The following MOK variants were observed in gnomAD, a reference collection of about 807,000 sequenced individuals.
The protein encoded by MOK is MAPK/MAK/MRK overlapping kinase.
A neutral mutation model predicts 54.2 loss-of-function variants in MOK; 59 were observed. The observed-to-expected ratio is 1.09, with a 90% CI of 0.88 to 1.35. The LOEUF is 1.35. Ranked by LOEUF, MOK falls within the 40% of genes most tolerant of loss-of-function variation. The probability of loss-of-function intolerance (pLI) is 0.00; values close to 1 mark genes in which losing one functional copy is unlikely to be tolerated. For synonymous variants in MOK, 210 were observed against 202.7 expected (o/e 1.04, Z -0.31); for missense variants, 517 against 526.2 (o/e 0.98, Z 0.17).
chr14:102,285,676 G>C (rs1038966057), intron 1 of MOK, among the ~76,000 whole-genome samples: 1 of 152,070 alleles, frequency 6.6e-6, no homozygotes, highest in Non-Finnish European at 1.5e-5. Flanking sequence ...TGGATCACTT[G>C]AGGCCAGGAG....
chr14:102,237,532 CA>C (rs2065332289), intron 7 of MOK, among the ~76,000 whole-genome samples: 1 of 152,178 alleles, frequency 6.6e-6, no homozygotes, highest in South Asian at 2.1e-4. Flanking sequence ...CCTCCTAGCT[CA>C]CCCACTCTAT....
At chr14:102,299,434 G>C (rs1219066244) in intron 1 of MOK, among the ~76,000 whole-genome samples, 1 of 151,700 alleles carries the variant, frequency 6.6e-6, no homozygotes, top group African/African-American at 2.4e-5. Flanking sequence ...AGAATTGCTT[G>C]AACCCTGGAG....
intron 1 of MOK, among the ~76,000 whole-genome samples, chr14:102,292,198 G>A (rs1251652016): frequency 1.3e-5 from 2 of 152,090 alleles, no homozygotes; most frequent in African/African-American, 2.4e-5. Context: ...CATAGGCCGG[G>A]TGCGGTGGCT....
chr14:102,229,893 A>G, intron 10 of MOK: 1 of 539,868 alleles, frequency 1.9e-6, no homozygotes, highest in Non-Finnish European at 3.3e-6. Context: ...CTGCAAGCTG[A>G]GCAGTGCGGG....
chr14:102,227,329 GC>G (rs1053213857), downstream of MOK, among the ~76,000 whole-genome samples: 5 of 140,064 alleles, frequency 3.6e-5, no homozygotes, highest in Admixed American at 1.4e-4. Context: ...CCTGCGCGCC[GC>G]CCCCCCTACA....
chr14:102,303,152 C>T (rs1159628643), intron 1 of MOK, among the ~76,000 whole-genome samples: 1 of 151,076 alleles, frequency 6.6e-6, no homozygotes, highest in Non-Finnish European at 1.5e-5. Flanking sequence ...CACAGAGAGA[C>T]CCTGTCCAAA....
At chr14:102,297,372 C>T (rs913113181) in intron 1 of MOK, among the ~76,000 whole-genome samples, 2 of 148,396 alleles carry the variant, frequency 1.3e-5, no homozygotes, top group Non-Finnish European at 3.0e-5. Context: ...ATAATAATAA[C>T]AATAACAAAT....
Position 102,232,113 on chromosome 14 carries a change from G to T in MOK, c.867-292C>A. 1 of 383,934 alleles carries T rather than the reference G, an allele frequency of 2.6e-6. No individual in the cohort carries two copies. The highest frequency in any genetic ancestry group is 4.7e-6 in the Non-Finnish European group (1 of 214,260). The allele number at this position is 383,934 out of a possible 1,614,324, so 23.8% of individuals were successfully genotyped here. ...GGCAAACAGGAGTGTCCAGAGGTCCGGAATTAGGTGACCTCAGGGCAGACA... is the reference window on the plus strand; with the variant it reads ...GGCAAACAGGAGTGTCCAGAGGTCCTGAATTAGGTGACCTCAGGGCAGACA... On this transcript the variant is annotated intron_variant, in intron 9 of 11. Coordinates refer to ENST00000361847, the MANE Select transcript of MOK (RefSeq NM_014226.3). This position sits in a 1 kb window ranked among gnomAD's most constrained non-coding sequence, Gnocchi z 5.1.
chr14:102,304,596 AAG>A (rs1431158218), intron 1 of MOK, among the ~76,000 whole-genome samples: 2 of 152,216 alleles, frequency 1.3e-5, no homozygotes, highest in African/African-American at 4.8e-5. Flanking sequence ...TGTTCAGGAA[AAG>A]AGTGTCAGGT....
chr14:102,294,932 C>T (rs186347847), intron 1 of MOK, among the ~76,000 whole-genome samples: 3 of 152,260 alleles, frequency 2.0e-5, no homozygotes, highest in African/African-American at 7.2e-5. Context: ...ACTTGTTTCC[C>T]TCATGGCTCT....
At chr14:102,251,851 A>G (rs750517381) in intron 5 of MOK, 47 bp from the exon 6 acceptor site, 1 of 1,531,366 alleles carries the variant, frequency 6.5e-7, no homozygotes, top group Non-Finnish European at 9.0e-7. Context: ...CATTTATTCA[A>G]ATTCTTGAAT....
At chr14:102,297,214 A>G (rs2071526573) in intron 1 of MOK, among the ~76,000 whole-genome samples, 1 of 151,374 alleles carries the variant, frequency 6.6e-6, no homozygotes, top group Non-Finnish European at 1.5e-5. Flanking sequence ...AAAAATTAGC[A>G]GGGTGTGGTG....
At chr14:102,250,088 G>A (rs1468562565) in intron 7 of MOK, among the ~76,000 whole-genome samples, 1 of 152,192 alleles carries the variant, frequency 6.6e-6, no homozygotes, top group Non-Finnish European at 1.5e-5. Flanking sequence ...AAAATGAAAA[G>A]TTACCAGTAT....
At chr14:102,274,536 C>T (rs1011051534) in intron 2 of MOK, among the ~76,000 whole-genome samples, 5 of 150,568 alleles carry the variant, frequency 3.3e-5, no homozygotes, top group Admixed American at 6.6e-5. Context: ...GGATTACAGG[C>T]GTGAGAAACT....
chr14:102,266,207 GATTA>G (rs1212133771), intron 2 of MOK, among the ~76,000 whole-genome samples: 24 of 151,874 alleles, frequency 1.6e-4, no homozygotes, highest in Non-Finnish European at 2.2e-4. Flanking sequence ...TAAAACTTAT[GATTA>G]ATTAATAAGA....
chr14:102,290,161 T>TAAA (rs2070603511), intron 1 of MOK, among the ~76,000 whole-genome samples: 1 of 145,474 alleles, frequency 6.9e-6, no homozygotes. Flanking sequence ...AAAAAAAGAC[T>TAAA]AGGTATGGTG....
chr14:102,226,883 A>G (rs118086798), downstream of MOK, among the ~76,000 whole-genome samples: 2,626 of 152,204 alleles, frequency 0.017, 33 homozygotes, highest in Middle Eastern at 0.044. This position sits in a 1 kb window ranked among gnomAD's most constrained non-coding sequence, Gnocchi z 4.8. Context: ...GCTCACCTCC[A>G]GCCTGGAGGC....
At chr14:102,289,519 A>G (rs1485860190) in intron 1 of MOK, among the ~76,000 whole-genome samples, 1 of 151,734 alleles carries the variant, frequency 6.6e-6, no homozygotes, top group Non-Finnish European at 1.5e-5. Flanking sequence ...ATTTTATTTT[A>G]TTTTGAGACA....
At chr14:102,226,056 T>G (rs1356047873), downstream of MOK, 2 of 502,218 alleles carry the variant, frequency 4.0e-6, no homozygotes, top group Admixed American at 3.8e-5. The surrounding 1 kb of genome is among the most constrained non-coding windows in gnomAD (Gnocchi z 4.8). Context: ...GCACCGCAGG[T>G]GTGGGGACAG....
Sources: gnomAD v4.1 joint callset for allele counts (sites outside exome capture counted in the v4.1 genomes callset) on GRCh38, gnomAD v4.1.1 for gene constraint, Gnocchi (gnomAD v3.1) non-coding constraint, MANE v1.5 for transcripts, NCBI Gene and HGNC (gene_info 2026-07-23, HGNC 2026-07-21) for gene names.